The following BEND5 variants were observed in gnomAD, a reference collection of about 807,000 sequenced individuals.
BEND5 encodes BEN domain-containing protein 5.
Under a neutral mutation model 43.9 loss-of-function variants are expected in BEND5, and 22 were observed. The ratio of observed to expected loss-of-function variants is 0.50; its 90% CI spans 0.36 to 0.72. The LOEUF is 0.72. BEND5 is among the 30% of genes least tolerant of loss of function. The pLI is 0.00. For missense variants in BEND5, 428 were observed against 550.6 expected, an observed-to-expected ratio of 0.78 and a Z score of 2.23; for synonymous variants, 228 against 225.9, an observed-to-expected ratio of 1.01 and a Z score of -0.08.
rs1004934930 is a variant in BEND5 at position 48,734,870 on chromosome 1, T to C, written c.1108+1369A>G. On this transcript the variant is annotated intron_variant, in intron 5 of 5. Coordinates refer to ENST00000371833, the MANE Select transcript of BEND5 (RefSeq NM_024603.4). Reference sequence around the variant, plus strand: ...GCCCCCAGAGTCTGCTGAAAACATATGTGTTGACTGACTGAGTCTTACTTT... The same window carrying C: ...GCCCCCAGAGTCTGCTGAAAACATACGTGTTGACTGACTGAGTCTTACTTT... 7.2e-5 allele frequency among the ~76,000 whole-genome samples: 11 copies of C among 152,208 alleles called. No homozygotes were observed. In the East Asian group the frequency reaches 1.9e-3, roughly 27 times the overall value.
intron 1 of BEND5, among the ~76,000 whole-genome samples, chr1:48,775,640 C>T (rs1413214999): frequency 6.6e-6 from 1 of 152,182 alleles, no homozygotes; most frequent in Non-Finnish European, 1.5e-5. Flanking sequence ...CTGGAACTAG[C>T]TGGGAAAGAG....
intron 3 of BEND5, among the ~76,000 whole-genome samples, chr1:48,747,731 AC>A (rs1361883172): frequency 6.6e-6 from 1 of 152,132 alleles, no homozygotes; most frequent in African/African-American, 2.4e-5. Context: ...ATGAAATTAC[AC>A]CATTTTCTAT....
rs1645115317 is a variant in BEND5, at chr1:48,776,799, G to A, written c.33C>T (p.Asn11=). MYAFVRFLED[N]VCYALPVSCV... The stretch of plus-strand genomic sequence containing the variant: ...ACGACACGGGCAGCGCGTAGCAGAC[G>A]TTGTCCTCCAGGAACCGCACAAAGG... Residue 11 remains asparagine (N), a synonymous_variant, in exon 1 of 6, where the codon AAC becomes AAT. Coordinates refer to ENST00000371833, the MANE Select transcript of BEND5 (RefSeq NM_024603.4). 6.6e-7 allele frequency: 1 copy of A among 1,524,288 alleles called. No individual in the cohort carries two copies. The highest frequency in any genetic ancestry group is 1.4e-5 in the African/African-American group (1 of 69,464). The allele number at this position is 1,524,288 out of a possible 1,614,324, so 94.4% of individuals were successfully genotyped here.
At chr1:48,758,542 GTC>G (rs1557955583) in intron 3 of BEND5, among the ~76,000 whole-genome samples, 2 of 152,234 alleles carry the variant, frequency 1.3e-5, no homozygotes, top group Non-Finnish European at 2.9e-5. Context: ...TTAGGATCAT[GTC>G]TACTTCTTTT....
rs183230738 is a variant in BEND5 at position 48,765,117 on chromosome 1, C to T, written c.227-3647G>A. Among the ~76,000 whole-genome samples, 649 of 152,348 alleles carry T rather than the reference C, an allele frequency of 4.3e-3. 1 individual carries two copies. Among genetic ancestry groups the T allele is most frequent in the African/African-American group, 0.015 (617 of 41,566 alleles). The stretch of plus-strand genomic sequence containing the variant: ...CTCAAAGATGCATTACACATCTACA[C>T]ATCCTACCTACCTTCTTTGTAGTCT... On this transcript the variant is annotated intron_variant, in intron 1 of 5. Coordinates refer to ENST00000371833, the MANE Select transcript of BEND5 (RefSeq NM_024603.4).
At position 48,738,696 on chromosome 1, in the gene BEND5, TC is replaced by T. The variant is rs576308163; in HGVS notation, c.895-2245del. Reference sequence around the variant, plus strand: ...CATTTTTCAAAAATCTCTGCTTTTTTCCCCCACCACTGATCCTTGCTTTCCT... The same window carrying T: ...CATTTTTCAAAAATCTCTGCTTTTTTCCCCACCACTGATCCTTGCTTTCCT... On this transcript the variant is annotated intron_variant, in intron 4 of 5. Transcript: ENST00000371833. Among the ~76,000 whole-genome samples the T allele has an allele frequency of 6.6e-5, 10 of 152,308 alleles. No individual in the cohort carries two copies. The East Asian group carries it at 1.7e-3, about 26-fold the overall frequency.
chr1:48,762,177 G>A (rs1306379002), intron 1 of BEND5, among the ~76,000 whole-genome samples: 2 of 152,170 alleles, frequency 1.3e-5, no homozygotes, highest in African/African-American at 4.8e-5. Flanking sequence ...AGCCGGGAGT[G>A]GGAAAGAGGC....
chr1:48,768,356 C>T (rs530996596), intron 1 of BEND5, among the ~76,000 whole-genome samples: 2 of 152,072 alleles, frequency 1.3e-5, no homozygotes, highest in South Asian at 4.2e-4. Context: ...TAAATAATGC[C>T]CAAATAGGGT....
intron 3 of BEND5, among the ~76,000 whole-genome samples, 181 bp from the exon 4 acceptor site, chr1:48,742,952 AG>A (rs1375590328): frequency 2.0e-5 from 3 of 152,214 alleles, no homozygotes; most frequent in Non-Finnish European, 4.4e-5. Flanking sequence ...ACAAGGGAAA[AG>A]GTGGAAAACT....
chr1:48,737,474 T>C (rs1271264101), intron 4 of BEND5, among the ~76,000 whole-genome samples: 1 of 152,066 alleles, frequency 6.6e-6, no homozygotes, highest in African/African-American at 2.4e-5. Context: ...TGCCAGTCCT[T>C]TCCCACCTCT....
At chr1:48,745,342 T>G (rs1650574764) in intron 3 of BEND5, among the ~76,000 whole-genome samples, 2 of 152,106 alleles carry the variant, frequency 1.3e-5, no homozygotes, top group African/African-American at 4.8e-5. Flanking sequence ...GGCTGTTAAG[T>G]TGAAATCAGA....
chr1:48,744,142 C>T (rs1237030206), intron 3 of BEND5, among the ~76,000 whole-genome samples: 1 of 152,192 alleles, frequency 6.6e-6, no homozygotes, highest in Non-Finnish European at 1.5e-5. Context: ...CCAATAGCAT[C>T]ATCATCGTTC....
intron 3 of BEND5, among the ~76,000 whole-genome samples, chr1:48,744,692 G>T (rs1650454366): frequency 6.6e-6 from 1 of 152,156 alleles, no homozygotes; most frequent in Non-Finnish European, 1.5e-5. Flanking sequence ...CCATCAAAGG[G>T]ATCTTCCACA....
At chr1:48,759,888 C>T (rs1644163053) in intron 2 of BEND5, among the ~76,000 whole-genome samples, 1 of 152,208 alleles carries the variant, frequency 6.6e-6, no homozygotes, top group Non-Finnish European at 1.5e-5. Context: ...TGCCTACTCA[C>T]TCAGAACTGG....
chr1:48,737,924 G>A (rs961941264), intron 4 of BEND5, among the ~76,000 whole-genome samples: 1 of 152,132 alleles, frequency 6.6e-6, no homozygotes, highest in East Asian at 1.9e-4. Context: ...ACATGAGAAG[G>A]ACCTGCCAAA....
chr1:48,776,514 TC>T, intron 1 of BEND5, 91 bp downstream of exon 1: 8 of 931,778 alleles, frequency 8.6e-6, no homozygotes, highest in South Asian at 4.3e-5. Context: ...AAGCAGTGGC[TC>T]CCCCCGGTCC....
chr1:48,739,592 C>T (rs1337506266), intron 4 of BEND5, among the ~76,000 whole-genome samples: 4 of 152,318 alleles, frequency 2.6e-5, no homozygotes, highest in Admixed American at 6.5e-5. Flanking sequence ...ATTCTACCTG[C>T]GTGCTGGTTA....
chr1:48,775,287 T>C (rs948818488), intron 1 of BEND5, among the ~76,000 whole-genome samples: 1 of 152,128 alleles, frequency 6.6e-6, no homozygotes, highest in Non-Finnish European at 1.5e-5. Flanking sequence ...GTTCTTCCAC[T>C]CTTCAACTTC....
chr1:48,773,152 T>C (rs1277897114), intron 1 of BEND5, among the ~76,000 whole-genome samples: 1 of 152,004 alleles, frequency 6.6e-6, no homozygotes, highest in Non-Finnish European at 1.5e-5. Flanking sequence ...ACAAAAAAAT[T>C]CAGCACACTC....
Sources: gnomAD v4.1 joint callset for allele counts (sites outside exome capture counted in the v4.1 genomes callset) on GRCh38, gnomAD v4.1.1 for gene constraint, MANE v1.5 for transcripts, NCBI Gene and HGNC (gene_info 2026-07-23, HGNC 2026-07-21) for gene names.